Variants in KIRREL3 observed in about 807,000 individuals in gnomAD.
KIRREL3 encodes kirre like nephrin family adhesion molecule 3, also known as kin of IRRE-like protein 3.
In KIRREL3, 36 loss-of-function variants were observed where a neutral mutation model predicts 89.7. That is an observed-to-expected ratio of 0.40 (90% CI 0.31 to 0.53). KIRREL3 has a LOEUF of 0.53. Among genes scored for constraint, KIRREL3 ranks in the 20% least tolerant of loss-of-function variants. The probability of loss-of-function intolerance (pLI) is 0.49; values close to 1 mark genes in which losing one functional copy is unlikely to be tolerated. For synonymous variants in KIRREL3, 445 were observed against 441.4 expected, an observed-to-expected ratio of 1.01 and a Z score of -0.10; for missense variants, 864 against 1,056.6, an observed-to-expected ratio of 0.82 and a Z score of 2.53.
chr11:126,839,586 ATTTTGTTT>A (rs1943894081), intron 1 of KIRREL3, among the ~76,000 whole-genome samples: 1 of 152,126 alleles, frequency 6.6e-6, no homozygotes. Context: ...TATTACATAC[ATTTTGTTT>A]TTAATGACTG....
At chr11:126,678,382 C>T (rs971376577) in intron 1 of KIRREL3, among the ~76,000 whole-genome samples, 17 of 151,828 alleles carry the variant, frequency 1.1e-4, no homozygotes, top group Non-Finnish European at 2.1e-4. Context: ...GGGCAGATCA[C>T]GAGGTCAGGA....
At chr11:126,804,173 A>G (rs1169103981) in intron 1 of KIRREL3, among the ~76,000 whole-genome samples, 1 of 152,206 alleles carries the variant, frequency 6.6e-6, no homozygotes, top group Non-Finnish European at 1.5e-5. Flanking sequence ...CACGCTAGGA[A>G]ATAAACCTGA....
chr11:126,512,117 G>A (rs1032213092), intron 4 of KIRREL3, among the ~76,000 whole-genome samples: 8 of 152,360 alleles, frequency 5.3e-5, no homozygotes, highest in Admixed American at 4.6e-4. Context: ...GAGAAACAGG[G>A]CCTCATGCCG....
chr11:126,853,879 G>A (rs761885119), intron 1 of KIRREL3, among the ~76,000 whole-genome samples: 7 of 152,082 alleles, frequency 4.6e-5, no homozygotes, highest in Non-Finnish European at 1.0e-4. Flanking sequence ...AGTTCTCAGT[G>A]TCTAGTTAAT....
chr11:126,461,262 G>A (rs1956531725), intron 6 of KIRREL3, among the ~76,000 whole-genome samples: 1 of 152,246 alleles, frequency 6.6e-6, no homozygotes, highest in Non-Finnish European at 1.5e-5. Flanking sequence ...GCTCCATGTG[G>A]CTGCTCACCA....
In KIRREL3 at chr11:126,615,102, TAG is replaced by T. The variant is rs1185848834; in HGVS notation, c.56-52192_56-52191del. Reference sequence around the variant, plus strand: ...GGGGGGCTGAACTCAGGTCTGTGGGTAGAGAGTCAGGGAAAGACATTTTGGTG... The same window carrying T: ...GGGGGGCTGAACTCAGGTCTGTGGGTAGAGTCAGGGAAAGACATTTTGGTG... On this transcript the variant is annotated intron_variant, in intron 1 of 16. Coordinates refer to ENST00000525144, the MANE Select transcript of KIRREL3 (RefSeq NM_032531.4). The surrounding 1 kb of genome is among the most constrained non-coding windows in gnomAD (Gnocchi z 5.4). 4.6e-5 allele frequency among the ~76,000 whole-genome samples: 7 copies of T among 152,146 alleles called. No homozygotes were observed. The highest frequency in any genetic ancestry group is 1.7e-4 in the African/African-American group (7 of 41,506).
chr11:126,594,662 A>C lies in KIRREL3; in HGVS notation c.56-31750T>G, dbSNP rs150874564. 6.6e-6 allele frequency among the ~76,000 whole-genome samples: 1 copy of C among 151,970 alleles called. No homozygotes were observed. Among genetic ancestry groups the C allele is most frequent in the East Asian group, 1.9e-4 (1 of 5,194 alleles). On this transcript the variant is annotated intron_variant, in intron 1 of 16. Transcript: ENST00000525144. This position sits in a 1 kb window ranked among gnomAD's most constrained non-coding sequence, Gnocchi z 5.0. ...GTGCAATGAGGCCGCAGCAGAAACT[A>C]TCTCTAAGGCCAGCTCTTAAATTCT...
Position 126,666,587 on chromosome 11 carries a change from C to A in KIRREL3, c.56-103675G>T, listed in dbSNP as rs1945674708. Among the ~76,000 whole-genome samples the A allele has an allele frequency of 6.6e-6, 1 of 152,136 alleles. No individual in the cohort carries two copies. Among genetic ancestry groups the A allele is most frequent in the Non-Finnish European group, 1.5e-5 (1 of 68,022 alleles). On this transcript the variant is annotated intron_variant, in intron 1 of 16. Transcript: ENST00000525144. The surrounding 1 kb of genome is among the most constrained non-coding windows in gnomAD (Gnocchi z 4.2). ...AACATTTTTTCTCACTTACATGGCACAAGGAAAACAATATCAATGATTTGT... is the reference window on the plus strand; with the variant it reads ...AACATTTTTTCTCACTTACATGGCAAAAGGAAAACAATATCAATGATTTGT...
chr11:126,433,524 G>T (rs527875723), intron 13 of KIRREL3, among the ~76,000 whole-genome samples: 1 of 152,294 alleles, frequency 6.6e-6, no homozygotes, highest in Admixed American at 6.5e-5. Flanking sequence ...CTACCAATTA[G>T]TGGCCAGGAC....
intron 1 of KIRREL3, among the ~76,000 whole-genome samples, chr11:126,842,788 G>T (rs768187644): frequency 3.3e-5 from 5 of 152,174 alleles, no homozygotes; most frequent in African/African-American, 1.2e-4. Context: ...AAAGTGGACT[G>T]CCACCTGCCA....
intron 1 of KIRREL3, among the ~76,000 whole-genome samples, chr11:126,998,851 C>T (rs1172697909): frequency 6.6e-6 from 1 of 152,058 alleles, no homozygotes; most frequent in East Asian, 1.9e-4. Context: ...GGAAGATTCC[C>T]TCCTTCTCAG....
At position 126,640,938 on chromosome 11, in the gene KIRREL3, G is replaced by A. The variant is rs1423946596; in HGVS notation, c.56-78026C>T. ...GATGTCTCTCAATTTTGTATCCACA[G>A]CCTAGACCACCCCCTAAACTCTGGA... On this transcript the variant is annotated intron_variant, in intron 1 of 16. Transcript: ENST00000525144. This position sits in a 1 kb window ranked among gnomAD's most constrained non-coding sequence, Gnocchi z 4.9. Among the ~76,000 whole-genome samples the A allele has an allele frequency of 6.6e-6, 1 of 152,046 alleles. No homozygotes were observed. Among genetic ancestry groups the A allele is most frequent in the Non-Finnish European group, 1.5e-5 (1 of 68,016 alleles).
At chr11:126,583,763 C>T (rs537929097) in intron 1 of KIRREL3, among the ~76,000 whole-genome samples, 1 of 152,228 alleles carries the variant, frequency 6.6e-6, no homozygotes, top group East Asian at 1.9e-4. Context: ...CGAGGACTCC[C>T]TAAATGGAGG....
At chr11:126,947,526 T>C (rs542251694) in intron 1 of KIRREL3, among the ~76,000 whole-genome samples, 5 of 152,314 alleles carry the variant, frequency 3.3e-5, no homozygotes, top group Admixed American at 6.5e-5. Context: ...GAAACCACAT[T>C]TGATTTGACA....
rs1011569009 is a variant in KIRREL3 at position 126,520,339 on chromosome 11, A to G, written c.433+976T>C. Among the ~76,000 whole-genome samples, 1 of 152,166 alleles carries G rather than the reference A, an allele frequency of 6.6e-6. No individual in the cohort carries two copies. Among genetic ancestry groups the G allele is most frequent in the Non-Finnish European group, 1.5e-5 (1 of 68,016 alleles). On this transcript the variant is annotated intron_variant, in intron 4 of 16. Coordinates refer to ENST00000525144, the MANE Select transcript of KIRREL3 (RefSeq NM_032531.4). This position sits in a 1 kb window ranked among gnomAD's most constrained non-coding sequence, Gnocchi z 4.9. ...GGCACAGACTCACGTGTAAGGGGGCAGCGAGGTGGGGCAGGTAGCCCTGGA... is the reference window on the plus strand; with the variant it reads ...GGCACAGACTCACGTGTAAGGGGGCGGCGAGGTGGGGCAGGTAGCCCTGGA...
At chr11:126,820,465 C>T (rs1326005916) in intron 1 of KIRREL3, among the ~76,000 whole-genome samples, 1 of 152,156 alleles carries the variant, frequency 6.6e-6, no homozygotes, top group Non-Finnish European at 1.5e-5. Context: ...TGGATTCTGA[C>T]CCAGAGGAGT....
rs1949838283 is a variant in KIRREL3 at position 126,985,502 on chromosome 11, G to C, written c.55+14953C>G. The stretch of plus-strand genomic sequence containing the variant: ...GGGCATTTAAATTAGATTGTGGGGA[G>C]AGAGGTCAAGGAAACTTCCACCAGG... On this transcript the variant is annotated intron_variant, in intron 1 of 16. Transcript: ENST00000525144. The surrounding 1 kb of genome is among the most constrained non-coding windows in gnomAD (Gnocchi z 5.3). Among the ~76,000 whole-genome samples the C allele has an allele frequency of 6.6e-6, 1 of 152,132 alleles. No homozygotes were observed. Among genetic ancestry groups the C allele is most frequent in the Non-Finnish European group, 1.5e-5 (1 of 68,022 alleles).
chr11:126,767,662 C>T (rs1949868422), intron 1 of KIRREL3, among the ~76,000 whole-genome samples: 1 of 152,148 alleles, frequency 6.6e-6, no homozygotes, highest in African/African-American at 2.4e-5. Flanking sequence ...CTTCCTTTTA[C>T]TCTTTTAAGG....
At chr11:126,559,847 T>TA (rs1301098223) in intron 2 of KIRREL3, among the ~76,000 whole-genome samples, 3 of 151,586 alleles carry the variant, frequency 2.0e-5, no homozygotes, top group Admixed American at 6.6e-5. Context: ...TTATTATTAT[T>TA]TTTTTTTGTA....
Sources: gnomAD v4.1 joint callset for allele counts (sites outside exome capture counted in the v4.1 genomes callset) on GRCh38, gnomAD v4.1.1 for gene constraint, Gnocchi (gnomAD v3.1) non-coding constraint, MANE v1.5 for transcripts, NCBI Gene and HGNC (gene_info 2026-07-23, HGNC 2026-07-21) for gene names.